LRP1B: variants seen among roughly 807,000 people sequenced by gnomAD.
The protein encoded by LRP1B is low-density lipoprotein receptor-related protein 1B.
LRP1B carries 217 observed loss-of-function variants against 556.6 expected under a neutral mutation model. The observed-to-expected ratio is 0.39, with a 90% CI of 0.35 to 0.44. LRP1B has a LOEUF of 0.44. LRP1B is among the 20% of genes least tolerant of loss of function. The probability of loss-of-function intolerance (pLI) is 1.00; values close to 1 mark genes in which losing one functional copy is unlikely to be tolerated. For synonymous variants in LRP1B, 2,047 were observed against 1,865.8 expected, an observed-to-expected ratio of 1.10 and a Z score of -2.50; for missense variants, 5,053 against 5,620.8, an observed-to-expected ratio of 0.90 and a Z score of 3.23.
chr2:140,842,828 G>A (rs1692151201), intron 29 of LRP1B, among the ~76,000 whole-genome samples: 1 of 151,958 alleles, frequency 6.6e-6, no homozygotes, highest in Admixed American at 6.6e-5. Flanking sequence ...TCACTTAAAT[G>A]TCTTTTAGTC....
chr2:140,582,528 C>T (rs1021112190), intron 43 of LRP1B, among the ~76,000 whole-genome samples: 4 of 152,150 alleles, frequency 2.6e-5, no homozygotes, highest in East Asian at 1.9e-4. Context: ...CTGATAAAAC[C>T]GTGAGGGAAG....
At position 141,031,725 on chromosome 2, in the gene LRP1B, CT is replaced by C. The variant is rs150647524; in HGVS notation, c.1790-11624del. On this transcript the variant is annotated intron_variant, in intron 11 of 90. Coordinates refer to ENST00000389484, the MANE Select transcript of LRP1B (RefSeq NM_018557.3). ...TTTATTCACGAAGAAAACAACAACA[CT>C]TGATGTAAGTATAAAAGGAAGAGAT... Among the ~76,000 whole-genome samples the C allele has an allele frequency of 3.1e-3, 468 of 151,978 alleles. 3 individuals carry two copies. The highest frequency in any genetic ancestry group is 0.011 in the African/African-American group (455 of 41,538).
intron 1 of LRP1B, among the ~76,000 whole-genome samples, chr2:141,947,893 T>C (rs1701000576): frequency 6.6e-6 from 1 of 152,066 alleles, no homozygotes; most frequent in Admixed American, 6.6e-5. Context: ...AGCTGTGGTT[T>C]TGAGACGTAG....
Position 140,873,088 on chromosome 2 carries a change from C to A in LRP1B, c.4170-4825G>T, listed in dbSNP as rs568451226. On this transcript the variant is annotated intron_variant, in intron 25 of 90. Transcript: ENST00000389484. ...GTAAAATCTTTAATAAATAAGCTAG[C>A]TTTAAAATTTTTGGTAAAGTAGTTA... Among the ~76,000 whole-genome samples, 38 of 152,050 alleles carry A rather than the reference C, an allele frequency of 2.5e-4. No individual in the cohort carries two copies. In the South Asian group the frequency reaches 7.5e-3, roughly 30 times the overall value.
chr2:140,999,639 T>C (rs1439300564), intron 15 of LRP1B, among the ~76,000 whole-genome samples: 1 of 152,108 alleles, frequency 6.6e-6, no homozygotes, highest in African/African-American at 2.4e-5. Flanking sequence ...TTTTCCATAG[T>C]TAAGCATCAA....
At chr2:141,694,978 G>C (rs1691681581) in intron 2 of LRP1B, among the ~76,000 whole-genome samples, 1 of 151,866 alleles carries the variant, frequency 6.6e-6, no homozygotes, top group Non-Finnish European at 1.5e-5. Context: ...GAATAAGCAA[G>C]GTAACATTCC....
intron 7 of LRP1B, among the ~76,000 whole-genome samples, chr2:141,185,286 CTGACTCCAG>C (rs1681190735): frequency 1.3e-5 from 2 of 152,070 alleles, no homozygotes; most frequent in South Asian, 4.1e-4. Flanking sequence ...CTCAGTAAGA[CTGACTCCAG>C]CATCAAGTTC....
chr2:141,987,692 G>A (rs887408600), intron 1 of LRP1B, among the ~76,000 whole-genome samples: 1 of 150,986 alleles, frequency 6.6e-6, no homozygotes, highest in Non-Finnish European at 1.5e-5. Context: ...TTTTATATGA[G>A]ATTTATTTTT....
intron 2 of LRP1B, among the ~76,000 whole-genome samples, chr2:141,724,589 A>C (rs1692959007): frequency 6.6e-6 from 1 of 151,950 alleles, no homozygotes. Context: ...TTTTAACCAA[A>C]GTTAAATCTG....
At chr2:140,937,495 G>C (rs1344140397) in intron 20 of LRP1B, among the ~76,000 whole-genome samples, 2 of 152,018 alleles carry the variant, frequency 1.3e-5, no homozygotes, top group African/African-American at 4.8e-5. Flanking sequence ...ACAGTTTTGC[G>C]AGATGACAAG....
At chr2:140,703,932 T>C (rs890840938) in intron 37 of LRP1B, among the ~76,000 whole-genome samples, 1 of 152,188 alleles carries the variant, frequency 6.6e-6, no homozygotes, top group African/African-American at 2.4e-5. Context: ...TTATGTTACG[T>C]TTTTGCAATT....
At chr2:141,508,939 A>T (rs141987034) in intron 2 of LRP1B, among the ~76,000 whole-genome samples, 39 of 152,260 alleles carry the variant, frequency 2.6e-4, no homozygotes, top group Non-Finnish European at 5.4e-4. Context: ...AATGGAATCA[A>T]CTTCCCCCTG....
At chr2:142,094,399 T>C (rs967674506) in intron 1 of LRP1B, among the ~76,000 whole-genome samples, 4 of 152,078 alleles carry the variant, frequency 2.6e-5, no homozygotes, top group Non-Finnish European at 5.9e-5. Flanking sequence ...TAATGGATTA[T>C]GCAAGGTCAG....
At chr2:140,987,772 G>A (rs539588162) in intron 17 of LRP1B, among the ~76,000 whole-genome samples, 2 of 152,174 alleles carry the variant, frequency 1.3e-5, no homozygotes, top group East Asian at 3.9e-4. Context: ...ATCACTTGCA[G>A]CCAGGAGTTT....
At chr2:140,809,859 A>G (rs546195864) in intron 32 of LRP1B, among the ~76,000 whole-genome samples, 1 of 152,194 alleles carries the variant, frequency 6.6e-6, no homozygotes, top group Admixed American at 6.5e-5. Context: ...TCCTCATAAC[A>G]TGTCAGCTGG....
At chr2:141,209,916 A>C (rs1682469895) in intron 6 of LRP1B, among the ~76,000 whole-genome samples, 1 of 152,216 alleles carries the variant, frequency 6.6e-6, no homozygotes, top group Admixed American at 6.5e-5. Flanking sequence ...TTATGCAAAA[A>C]AGTGTTTTTG....
intron 84 of LRP1B, among the ~76,000 whole-genome samples, chr2:140,281,575 ATTG>A (rs1246985729): frequency 3.3e-5 from 5 of 151,976 alleles, no homozygotes; most frequent in Admixed American, 6.6e-5. Context: ...ATGGACACTT[ATTG>A]TTCTACTTCA....
At position 140,322,005 on chromosome 2, in the gene LRP1B, T is replaced by G. The variant is rs750321713; in HGVS notation, c.12598A>C (p.Lys4200Gln). 6.2e-7 allele frequency: 1 copy of G among 1,613,174 alleles called. No individual in the cohort carries two copies. Among genetic ancestry groups the G allele is most frequent in the South Asian group, 1.1e-5 (1 of 91,048 alleles). The change falls in exon 82 of 91, where the codon AAA becomes CAA. Residue 4200 changes from lysine (K) to glutamine (Q), a missense_variant. Coordinates refer to ENST00000389484, the MANE Select transcript of LRP1B (RefSeq NM_018557.3). Reference protein sequence around the residue: ...SGATCVCPEGKYLINGTCNDD... With the variant: ...SGATCVCPEGQYLINGTCNDD... ...TTGCAGGTGCCATTAATCAAATATT[T>G]TCCTTCTGGACACACACAAGTGGCC...
rs906955218 is a variant in LRP1B at position 141,433,238 on chromosome 2, T to G, written c.343+47158A>C. Reference sequence around the variant, plus strand: ...TGATTTCTAATTTAATTTCCTTGTATTTAAAGAATATGCTTTGTATTATTT... The same window carrying G: ...TGATTTCTAATTTAATTTCCTTGTAGTTAAAGAATATGCTTTGTATTATTT... On this transcript the variant is annotated intron_variant, in intron 3 of 90. Transcript: ENST00000389484. 2.0e-5 allele frequency among the ~76,000 whole-genome samples: 3 copies of G among 152,172 alleles called. No homozygotes were observed. In the South Asian group the frequency reaches 6.2e-4, roughly 32 times the overall value.
Sources: gnomAD v4.1 joint callset for allele counts (sites outside exome capture counted in the v4.1 genomes callset) on GRCh38, gnomAD v4.1.1 for gene constraint, MANE v1.5 for transcripts, NCBI Gene and HGNC (gene_info 2026-07-23, HGNC 2026-07-21) for gene names.